Variants in ROS1 observed in about 807,000 individuals in gnomAD.
ROS1 encodes proto-oncogene tyrosine-protein kinase ROS.
ROS1 carries 263 observed loss-of-function variants against 273.5 expected under a neutral mutation model. That is an observed-to-expected ratio of 0.96 (90% CI 0.87 to 1.06). ROS1 has a LOEUF of 1.06. Ranked by LOEUF, ROS1 falls within the 50% of genes least tolerant of loss-of-function variation. The pLI, the probability that ROS1 is intolerant of heterozygous loss-of-function variation, is 0.00. For missense variants in ROS1, 2,833 were observed against 2,751.1 expected (o/e 1.03, Z -0.67); for synonymous variants, 1,008 against 954.1 (o/e 1.06, Z -1.04).
chr6:117,408,597 C>A (rs1338714327), intron 5 of ROS1, among the ~76,000 whole-genome samples: 6 of 152,208 alleles, frequency 3.9e-5, no homozygotes, highest in African/African-American at 1.4e-4. Context: ...GAAATAGGAA[C>A]ACTTTTACAC....
intron 35 of ROS1, among the ~76,000 whole-genome samples, chr6:117,321,852 A>G (rs920998637): frequency 2.2e-4 from 23 of 104,192 alleles, no homozygotes; most frequent in Admixed American, 1.5e-3. Context: ...TTTTTTTTGC[A>G]GAGTACAAGA....
intron 39 of ROS1, among the ~76,000 whole-genome samples, chr6:117,311,424 T>C (rs1227934530): frequency 6.6e-6 from 1 of 152,132 alleles, no homozygotes; most frequent in Non-Finnish European, 1.5e-5. Context: ...GTTCTGCTAC[T>C]TACTAGTTGT....
At chr6:117,380,600 A>AT (rs1406147282) in intron 17 of ROS1, among the ~76,000 whole-genome samples, 3 of 152,094 alleles carry the variant, frequency 2.0e-5, no homozygotes, top group Admixed American at 6.5e-5. Flanking sequence ...TATTTCATCT[A>AT]TTTTAAAAAG....
intron 34 of ROS1, 66 bp from the exon 35 acceptor site, chr6:117,324,481 TA>T: frequency 1.3e-6 from 1 of 745,870 alleles, no homozygotes; most frequent in Non-Finnish European, 2.3e-6. Context: ...CAGCTCTACC[TA>T]AGCACACAGA....
At chr6:117,411,309 G>A (rs1356224490) in intron 4 of ROS1, among the ~76,000 whole-genome samples, 1 of 77,482 alleles carries the variant, frequency 1.3e-5, no homozygotes, top group East Asian at 4.0e-4. Context: ...CCTTCACCCC[G>A]CCCTGAACCA....
intron 18 of ROS1, among the ~76,000 whole-genome samples, chr6:117,369,908 T>C (rs1780619157): frequency 1.3e-5 from 2 of 152,162 alleles, no homozygotes; most frequent in African/African-American, 2.4e-5. Context: ...TGCATCCACG[T>C]GCATACACAT....
chr6:117,376,474 G>A (rs1337253541), intron 18 of ROS1, among the ~76,000 whole-genome samples: 1 of 152,084 alleles, frequency 6.6e-6, no homozygotes, highest in African/African-American at 2.4e-5. Flanking sequence ...AAATTGAGGA[G>A]AGAATGCTTC....
chr6:117,390,419 C>T (rs1205695207), intron 12 of ROS1, among the ~76,000 whole-genome samples: 2 of 151,716 alleles, frequency 1.3e-5, no homozygotes, highest in African/African-American at 4.8e-5. Context: ...TAGCCACCAG[C>T]CCTGGCCAGG....
rs1779361336 is a variant in ROS1 at position 117,356,889 on chromosome 6, T to C, written c.3866A>G (p.Asn1289Ser). The stretch of plus-strand genomic sequence containing the variant: ...GTAGTAGAACATCTGGTAGCCAAAA[T>C]TGGAAACTTCTGTCCAATACAAGCG... ...LSRLYWTEVS[N>S]FGYQMFYYSI... The change falls in exon 26 of 44, where the codon AAT (asparagine) becomes AGT (serine). Residue 1289 changes from asparagine (N) to serine (S), a missense_variant. Coordinates refer to ENST00000368507, the MANE Select transcript of ROS1 (RefSeq NM_001378902.1). 1.9e-6 allele frequency: 3 copies of C among 1,613,890 alleles called. No individual in the cohort carries two copies. Among genetic ancestry groups the C allele is most frequent in the East Asian group, 2.2e-5 (1 of 44,886 alleles).
chr6:117,401,861 C>T (rs1363218818), intron 7 of ROS1, among the ~76,000 whole-genome samples: 1 of 144,308 alleles, frequency 6.9e-6, no homozygotes, highest in Non-Finnish European at 1.5e-5. Flanking sequence ...TATTTTTCCA[C>T]AGCCAAAGAA....
chr6:117,365,518 C>T, intron 20 of ROS1, 63 bp downstream of exon 20: 1 of 1,400,024 alleles, frequency 7.1e-7, no homozygotes, highest in Non-Finnish European at 1.0e-6. Context: ...TCAGTGTGGG[C>T]AAGGCTGACA....
At chr6:117,400,891 G>T (rs528452956) in intron 7 of ROS1, among the ~76,000 whole-genome samples, 1 of 152,256 alleles carries the variant, frequency 6.6e-6, no homozygotes, top group South Asian at 2.1e-4. Context: ...TACCTCCTCA[G>T]TTCCAAATCC....
chr6:117,362,342 G>A (rs13192969), intron 22 of ROS1, among the ~76,000 whole-genome samples: 23,965 of 151,534 alleles, frequency 0.16, 2,068 homozygotes, highest in South Asian at 0.29. Context: ...AACTGCAGTC[G>A]TCTTTAATGG....
intron 7 of ROS1, among the ~76,000 whole-genome samples, chr6:117,402,888 CAAAAAA>C (rs10617636): frequency 8.8e-6 from 1 of 113,906 alleles, no homozygotes; most frequent in Non-Finnish European, 1.9e-5. Flanking sequence ...ACTCTGTCTC[CAAAAAA>C]AAAAAAAAAA....
At position 117,385,697 on chromosome 6, in the gene ROS1, C is replaced by A. The variant is rs1175898010; in HGVS notation, c.2275G>T (p.Gly759Ter). 6.2e-7 allele frequency: 1 copy of A among 1,613,846 alleles called. No homozygotes were observed. Among genetic ancestry groups the A allele is most frequent in the African/African-American group, 1.3e-5 (1 of 74,830 alleles). ...CTTTAACTCACCACATATGTCTTTC[C>A]AGCCCAGTAGAGAAAGTGACCCAGC... The part of the protein sequence containing the change: ...EWLGHFLYWA[G>*]KTYVIQRQSV... The change falls in exon 16 of 44, where the codon GGA (glycine) becomes TGA (stop). Residue 759 changes from glycine (G) to a stop codon, truncating the protein, a stop_gained. Coordinates refer to ENST00000368507, the MANE Select transcript of ROS1 (RefSeq NM_001378902.1). LOFTEE classifies it high-confidence loss of function.
chr6:117,367,977 G>A (rs973743837), intron 18 of ROS1, among the ~76,000 whole-genome samples: 7 of 152,132 alleles, frequency 4.6e-5, no homozygotes, highest in African/African-American at 1.7e-4. Flanking sequence ...TTAGTCATCT[G>A]ATTTACCTGC....
At chr6:117,390,293 A>T (rs1020955733) in intron 12 of ROS1, among the ~76,000 whole-genome samples, 1 of 151,928 alleles carries the variant, frequency 6.6e-6, no homozygotes, top group African/African-American at 2.4e-5. Context: ...TGCTCGGCTA[A>T]TTTTTGTATT....
chr6:117,295,420 T>C (rs138387110), intron 43 of ROS1, among the ~76,000 whole-genome samples: 196 of 152,314 alleles, frequency 1.3e-3, no homozygotes, highest in Non-Finnish European at 2.6e-3. Context: ...TCCAGGACAT[T>C]GGTTGGGGCA....
intron 31 of ROS1, among the ~76,000 whole-genome samples, chr6:117,339,028 C>T (rs1235518491): frequency 2.0e-5 from 3 of 152,084 alleles, no homozygotes; most frequent in Non-Finnish European, 1.5e-5. Context: ...TTTGTTTCCT[C>T]CCCATTTTAA....
Sources: gnomAD v4.1 joint callset for allele counts (sites outside exome capture counted in the v4.1 genomes callset) on GRCh38, gnomAD v4.1.1 for gene constraint, MANE v1.5 for transcripts, NCBI Gene and HGNC (gene_info 2026-07-23, HGNC 2026-07-21) for gene names.